ZNF587B: variants seen among roughly 807,000 people sequenced by gnomAD.
The protein encoded by ZNF587B is zinc finger protein 587B.
A neutral mutation model predicts 7.2 loss-of-function variants in ZNF587B; 6 were observed. The observed-to-expected ratio is 0.83, with a 90% CI of 0.46 to 1.65. The LOEUF (loss-of-function observed/expected upper bound fraction) is 1.65. Among genes scored for constraint, ZNF587B ranks in the 40% most tolerant of loss-of-function variants. The pLI is 0.01. For synonymous variants in ZNF587B, 274 were observed against 254.3 expected (o/e 1.08, Z -0.74); for missense variants, 749 against 761.0 (o/e 0.98, Z 0.19).
rs935464234 is a variant in ZNF587B, at chr19:57,844,163, T to G, written c.*1587T>G. 1.6e-5 allele frequency: 6 copies of G among 374,266 alleles called. No individual in the cohort carries two copies. The highest frequency in any genetic ancestry group is 1.3e-4 in the African/African-American group (6 of 45,480). The allele number at this position is 374,266 out of a possible 1,614,324, so 23.2% of individuals were successfully genotyped here. ...TTTCTGATAAGTTACACCATGGACC[T>G]TCCCCATTTTTGTCCCAGAGGACTC... On this transcript the variant is annotated 3_prime_UTR_variant, in exon 3 of 3. Coordinates refer to ENST00000594901, the MANE Select transcript of ZNF587B (RefSeq NM_001376223.1).
Position 57,831,495 on chromosome 19 carries a change from C to T in ZNF587B, c.36+931C>T, listed in dbSNP as rs146236352. On this transcript the variant is annotated intron_variant, in intron 1 of 2. Coordinates refer to ENST00000594901, the MANE Select transcript of ZNF587B (RefSeq NM_001376223.1). Reference sequence around the variant, plus strand: ...GCAATCTCCGCCTCCTGGGTTCAAGCGATTCTCCTGCCTCAGCCTCCCGAG... The same window carrying T: ...GCAATCTCCGCCTCCTGGGTTCAAGTGATTCTCCTGCCTCAGCCTCCCGAG... Among the ~76,000 whole-genome samples the T allele has an allele frequency of 6.9e-3, 1,053 of 152,098 alleles. 16 individuals are homozygous for T. Among genetic ancestry groups the T allele is most frequent in the African/African-American group, 0.024 (995 of 41,498 alleles).
At chr19:57,833,043 A>G (rs796933733) in intron 1 of ZNF587B, among the ~76,000 whole-genome samples, 6,555 of 149,994 alleles carry the variant, frequency 0.044, no homozygotes, top group Middle Eastern at 0.063. Flanking sequence ...TGACCACTAC[A>G]TGGCTATCGC....
At chr19:57,840,651 C>T (rs1303102520) in intron 2 of ZNF587B, among the ~76,000 whole-genome samples, 187 bp from the exon 3 acceptor site, 1 of 152,152 alleles carries the variant, frequency 6.6e-6, no homozygotes, top group East Asian at 1.9e-4. Flanking sequence ...CTTATGAGGC[C>T]TCCTACATTC....
chr19:57,831,089 A>C, intron 1 of ZNF587B, among the ~76,000 whole-genome samples: 1 of 152,154 alleles, frequency 6.6e-6, no homozygotes, highest in East Asian at 1.9e-4. Flanking sequence ...GGAACTGCGG[A>C]TATAGCTCGC....
intron 1 of ZNF587B, among the ~76,000 whole-genome samples, chr19:57,835,647 C>T (rs1375014387): frequency 1.4e-5 from 2 of 142,930 alleles, no homozygotes; most frequent in Non-Finnish European, 3.0e-5. Flanking sequence ...CAGACTCGAG[C>T]CACCGTGCCT....
intron 1 of ZNF587B, among the ~76,000 whole-genome samples, chr19:57,836,619 G>T (rs570083349): frequency 1.6e-4 from 25 of 152,110 alleles, no homozygotes; most frequent in Non-Finnish European, 3.4e-4. Context: ...ACCTCTCAGA[G>T]TGCTGGGATT....
At chr19:57,837,047 G>C (rs559954475) in intron 1 of ZNF587B, among the ~76,000 whole-genome samples, 1 of 151,322 alleles carries the variant, frequency 6.6e-6, no homozygotes, top group East Asian at 1.9e-4. Context: ...TCCTGTTATA[G>C]TTTGTAGTGA....
rs1988902728 is a variant in ZNF587B, at chr19:57,842,541, TAC to T, written c.1868_1869del (p.Tyr623SerfsTer6). 2.6e-6 allele frequency: 4 copies of T among 1,543,718 alleles called. No individual in the cohort carries two copies. Among genetic ancestry groups the T allele is most frequent in the Non-Finnish European group, 3.5e-6 (4 of 1,153,012 alleles). ...ATTTAGGAAAAGCTCTTCACTTCGTTACCATCAGAGAGTTCATGAAAGAAAGG... is the reference window on the plus strand; with the variant it reads ...ATTTAGGAAAAGCTCTTCACTTCGTTCATCAGAGAGTTCATGAAAGAAAGG... ...KKFRKSSSLR[Y>X]HQRVHERKAL On this transcript the variant is annotated frameshift_variant, in exon 3 of 3. Coordinates refer to ENST00000594901, the MANE Select transcript of ZNF587B (RefSeq NM_001376223.1). LOFTEE classifies it low-confidence loss of function (END_TRUNC).
intron 1 of ZNF587B, among the ~76,000 whole-genome samples, chr19:57,838,397 T>TCG (rs1192258356): frequency 1.3e-5 from 2 of 151,634 alleles, no homozygotes; most frequent in African/African-American, 4.9e-5. Flanking sequence ...GGTTAAGAGA[T>TCG]CAAGACCATC....
Position 57,841,230 on chromosome 19 carries a change from C to T in ZNF587B, c.556C>T (p.Leu186Phe), listed in dbSNP as rs1988828678. 6.2e-7 allele frequency: 1 copy of T among 1,614,140 alleles called. No individual in the cohort carries two copies. The highest frequency in any genetic ancestry group is 8.5e-7 in the Non-Finnish European group (1 of 1,180,032). Residue 186 changes from leucine to phenylalanine, a missense_variant, in exon 3 of 3, where the codon CTC (leucine) becomes TTC (phenylalanine). Coordinates refer to ENST00000594901, the MANE Select transcript of ZNF587B (RefSeq NM_001376223.1). ...GKDFLPRSGL[L>F]QQEASHTGEK... The stretch of plus-strand genomic sequence containing the variant: ...GGACTTTTTGCCCAGGTCAGGATTA[C>T]TCCAGCAGGAGGCCAGTCACACTGG...
intron 1 of ZNF587B, among the ~76,000 whole-genome samples, chr19:57,838,166 G>T (rs1988699897): frequency 6.6e-6 from 1 of 151,224 alleles, no homozygotes; most frequent in Non-Finnish European, 1.5e-5. Context: ...AATTAGCCAG[G>T]TGTGGTGGTG....
rs186160914 is a variant in ZNF587B at position 57,840,371 on chromosome 19, A to G, written c.164-467A>G. 3.0e-3 allele frequency among the ~76,000 whole-genome samples: 464 copies of G among 152,254 alleles called. 4 individuals are homozygous for G. The highest frequency in any genetic ancestry group is 0.011 in the African/African-American group (449 of 41,548). ...CTAATCTTCACATCTCTGGACCCCA[A>G]ATCTCATCCATTTTACATATGTCAC... On this transcript the variant is annotated intron_variant, in intron 2 of 2. Coordinates refer to ENST00000594901, the MANE Select transcript of ZNF587B (RefSeq NM_001376223.1).
In ZNF587B at chr19:57,843,083, C is replaced by T. The variant is rs1300043585; in HGVS notation, c.*507C>T. On this transcript the variant is annotated 3_prime_UTR_variant, in exon 3 of 3. Transcript: ENST00000594901. Reference sequence around the variant, plus strand: ...CGATCGTAGCTCACTGCATCCTCCGCCCCCTAGGCTCAAGTGATCTTCCCA... The same window carrying T: ...CGATCGTAGCTCACTGCATCCTCCGTCCCCTAGGCTCAAGTGATCTTCCCA... 2 of 742,176 alleles carry T rather than the reference C, an allele frequency of 2.7e-6. No homozygotes were observed. The highest frequency in any genetic ancestry group is 6.1e-5 in the South Asian group (1 of 16,398). The allele number at this position is 742,176 out of a possible 1,614,324, so 46.0% of individuals were successfully genotyped here.
intron 2 of ZNF587B, 29 bp from the exon 3 acceptor site, chr19:57,840,809 G>A (rs776703848): frequency 1.3e-6 from 2 of 1,571,344 alleles, no homozygotes; most frequent in Non-Finnish European, 8.6e-7. Context: ...GAGTTAACAT[G>A]CACTTCACCA....
Position 57,841,879 on chromosome 19 carries a change from G to T in ZNF587B, c.1205G>T (p.Arg402Leu). 1 of 1,613,660 alleles carries T rather than the reference G, an allele frequency of 6.2e-7. No individual in the cohort carries two copies. Among genetic ancestry groups the T allele is most frequent in the Non-Finnish European group, 8.5e-7 (1 of 1,179,854 alleles). Residue 402 changes from arginine to leucine, a missense_variant, in exon 3 of 3, where the codon CGC becomes CTC. Around this residue, in one of 3 missense-constraint regions of ZNF587B, gnomAD observed 656 missense variants for 596.5 expected, o/e 1.10. Coordinates refer to ENST00000594901, the MANE Select transcript of ZNF587B (RefSeq NM_001376223.1). The part of the protein sequence containing the change: ...ISKGHLRIHQ[R>L]MHTGERPYKC... Reference sequence around the variant, plus strand: ...AAGGGGCACCTTAGGATCCATCAGCGCATGCACACTGGAGAAAGACCTTAC... The same window carrying T: ...AAGGGGCACCTTAGGATCCATCAGCTCATGCACACTGGAGAAAGACCTTAC...
chr19:57,842,364 T>C lies in ZNF587B; in HGVS notation c.1690T>C (p.Tyr564His). The C allele has an allele frequency of 1.9e-6, 3 of 1,604,960 alleles. No individual in the cohort carries two copies. Among genetic ancestry groups the C allele is most frequent in the Non-Finnish European group, 2.6e-6 (3 of 1,175,642 alleles). ...TGGGAAATCTTTTGCTGCAAGCTCCTATCTCACTAGTCACAGGAGAGTTCA... is the reference window on the plus strand; with the variant it reads ...TGGGAAATCTTTTGCTGCAAGCTCCCATCTCACTAGTCACAGGAGAGTTCA... The part of the protein sequence containing the change: ...ECGKSFAASS[Y>H]LTSHRRVHTG... Residue 564 changes from tyrosine to histidine, a missense_variant, in exon 3 of 3, where the codon TAT (tyrosine) becomes CAT (histidine). By Grantham distance (83) the Tyr-to-His change is moderately conservative. Transcript: ENST00000594901.
At chr19:57,835,670 G>A (rs1208775736) in intron 1 of ZNF587B, among the ~76,000 whole-genome samples, 8 of 143,300 alleles carry the variant, frequency 5.6e-5, no homozygotes, top group Middle Eastern at 7.2e-3. Context: ...CAACCCTAGG[G>A]GTTTTGGCCT....
intron 2 of ZNF587B, 147 bp downstream of exon 2, chr19:57,839,296 T>G: frequency 7.6e-7 from 1 of 1,310,702 alleles, no homozygotes; most frequent in Non-Finnish European, 1.0e-6. Flanking sequence ...AGGACTGAGG[T>G]GTACATACTG....
At position 57,840,181 on chromosome 19, in the gene ZNF587B, A is replaced by G. The variant is rs1218694309; in HGVS notation, c.164-657A>G. On this transcript the variant is annotated intron_variant, in intron 2 of 2. Transcript: ENST00000594901. ...GCATACCAGGAACCTATTCTACTTT[A>G]GTAGCATTTTTGTGGCAAGAGAAGT... Among the ~76,000 whole-genome samples the G allele has an allele frequency of 2.0e-5, 3 of 149,088 alleles. No homozygotes were observed. In the East Asian group the frequency reaches 6.0e-4, roughly 30 times the overall value.
Sources: gnomAD v4.1 joint callset for allele counts (sites outside exome capture counted in the v4.1 genomes callset) on GRCh38, gnomAD v4.1.1 for gene constraint, gnomAD v4.1.1 regional missense constraint, MANE v1.5 for transcripts, NCBI Gene and HGNC (gene_info 2026-07-23, HGNC 2026-07-21) for gene names.